Variants in RABEP1 observed in about 807,000 individuals in gnomAD.
RABEP1 encodes rabaptin, RAB GTPase binding effector protein 1, also known as rab GTPase-binding effector protein 1.
A neutral mutation model predicts 123.4 loss-of-function variants in RABEP1; 51 were observed. That is an observed-to-expected ratio of 0.41 (90% CI 0.33 to 0.52). The LOEUF is 0.52. Ranked by LOEUF, RABEP1 falls within the 20% of genes least tolerant of loss-of-function variation. The probability of loss-of-function intolerance (pLI) is 0.16; values close to 1 mark genes in which losing one functional copy is unlikely to be tolerated. For synonymous variants in RABEP1, 347 were observed against 355.2 expected, an observed-to-expected ratio of 0.98 and a Z score of 0.26; for missense variants, 888 against 996.3, an observed-to-expected ratio of 0.89 and a Z score of 1.46.
chr17:5,335,996 C>G (rs943233278), intron 4 of RABEP1, among the ~76,000 whole-genome samples: 10 of 151,894 alleles, frequency 6.6e-5, no homozygotes, highest in African/African-American at 2.4e-4. Flanking sequence ...TATTATGTAC[C>G]ACATATGCTT....
At chr17:5,361,174 G>C (rs1320308661) in intron 8 of RABEP1, 34 bp from the exon 9 acceptor site, 2 of 1,562,124 alleles carry the variant, frequency 1.3e-6, no homozygotes, top group East Asian at 2.3e-5. Context: ...GCAGAGAATT[G>C]TCTAACTTGG....
chr17:5,290,246 C>G (rs1336964165), intron 1 of RABEP1, among the ~76,000 whole-genome samples: 1 of 152,194 alleles, frequency 6.6e-6, no homozygotes, highest in Non-Finnish European at 1.5e-5. Flanking sequence ...CGCCACCACA[C>G]CCGGCTAATT....
At position 5,307,781 on chromosome 17, in the gene RABEP1, G is replaced by A. The variant is rs139463148; in HGVS notation, c.35-913G>A. Reference sequence around the variant, plus strand: ...TAAAGTAAAAAGTCTGCTAATCTCCGCACACCATGATCAATGTTGAAAACA... The same window carrying A: ...TAAAGTAAAAAGTCTGCTAATCTCCACACACCATGATCAATGTTGAAAACA... On this transcript the variant is annotated intron_variant, in intron 1 of 17. Transcript: ENST00000537505. Among the ~76,000 whole-genome samples, 79 of 152,188 alleles carry A rather than the reference G, an allele frequency of 5.2e-4. 1 individual carries two copies. The Middle Eastern group carries it at 0.01, about 20-fold the overall frequency.
chr17:5,288,487 C>T (rs1225652802), intron 1 of RABEP1, among the ~76,000 whole-genome samples: 1 of 152,102 alleles, frequency 6.6e-6, no homozygotes, highest in African/African-American at 2.4e-5. Flanking sequence ...CCTCTACCTC[C>T]CAGGTTCAAG....
In RABEP1 at chr17:5,344,310, C is replaced by T. The variant is rs188409050; in HGVS notation, c.649-2480C>T. Among the ~76,000 whole-genome samples the T allele has an allele frequency of 7.7e-4, 108 of 140,316 alleles. 1 individual carries two copies. The East Asian group carries it at 0.019, about 25-fold the overall frequency. The allele number at this position is 140,316 out of a possible 152,430, so 92.1% of individuals were successfully genotyped here. A position where few individuals can be genotyped will look rare whatever the true frequency, so the allele number is the denominator to read the frequency against. On this transcript the variant is annotated intron_variant, in intron 5 of 17. Transcript: ENST00000537505. ...AAAATTAGCCGGGCATGGTGGTGCA[C>T]GCCTATAATCCCAGCTACTTGGGAG... is the stretch of plus-strand genomic sequence containing the variant.
chr17:5,294,981 A>G (rs1046393783), intron 1 of RABEP1, among the ~76,000 whole-genome samples: 3 of 151,922 alleles, frequency 2.0e-5, no homozygotes, highest in Non-Finnish European at 4.4e-5. Flanking sequence ...ATATGTATAA[A>G]ATATGTTTAA....
At chr17:5,337,132 A>G (rs1314373295) in intron 4 of RABEP1, among the ~76,000 whole-genome samples, 2 of 152,122 alleles carry the variant, frequency 1.3e-5, no homozygotes, top group Admixed American at 6.5e-5. Flanking sequence ...CTTTTAATCC[A>G]TGTTTTTGAG....
intron 12 of RABEP1, 89 bp downstream of exon 12, chr17:5,368,557 C>T: frequency 1.1e-6 from 1 of 930,028 alleles, no homozygotes; most frequent in Non-Finnish European, 1.7e-6. Flanking sequence ...AGGAATTTAT[C>T]ATCCTGTCCA....
At position 5,365,135 on chromosome 17, in the gene RABEP1, A is replaced by AGCTGAT; in HGVS notation, c.1686_1691dup (p.Met563_Leu564dup). ...AAAATGATACAGGTGAAAAAACTAC[A>AGCTGAT]GCTGATGCTAAGGCAAGCTAATGAC... On this transcript the variant is annotated inframe_insertion, in exon 11 of 18. Coordinates refer to ENST00000537505, the MANE Select transcript of RABEP1 (RefSeq NM_004703.6). 1 of 1,602,008 alleles carries AGCTGAT rather than the reference A, an allele frequency of 6.2e-7. No individual in the cohort carries two copies. The highest frequency in any genetic ancestry group is 8.5e-7 in the Non-Finnish European group (1 of 1,176,300).
chr17:5,377,779 G>A (rs1309315082), intron 14 of RABEP1, among the ~76,000 whole-genome samples: 4 of 152,006 alleles, frequency 2.6e-5, no homozygotes, highest in Non-Finnish European at 5.9e-5. Flanking sequence ...TGCCTGCCTC[G>A]GCCTTGCAAA....
intron 8 of RABEP1, among the ~76,000 whole-genome samples, chr17:5,355,497 C>T (rs1021741636): frequency 6.6e-6 from 1 of 152,190 alleles, no homozygotes; most frequent in African/African-American, 2.4e-5. Flanking sequence ...ACTTACTGCT[C>T]TCCACCTCTC....
In RABEP1 at chr17:5,336,416, T is replaced by C. The variant is rs750055549; in HGVS notation, c.528+1072T>C. ...TAATAAGCCTCTATCAATTTATTCTTATTAACTGAAGTCCATTTTTGTATT... is the reference window on the plus strand; with the variant it reads ...TAATAAGCCTCTATCAATTTATTCTCATTAACTGAAGTCCATTTTTGTATT... On this transcript the variant is annotated intron_variant, in intron 4 of 17. Transcript: ENST00000537505. 6.3e-4 allele frequency: 290 copies of C among 460,112 alleles called. No individual in the cohort carries two copies. The Middle Eastern group carries it at 7.9e-3, about 13-fold the overall frequency. 28.5% of individuals were successfully genotyped at this position (460,112 alleles called of 1,614,324 possible).
intron 2 of RABEP1, among the ~76,000 whole-genome samples, chr17:5,321,211 G>T (rs959148830): frequency 6.6e-6 from 1 of 152,152 alleles, no homozygotes; most frequent in African/African-American, 2.4e-5. Flanking sequence ...GGAGGCCAGG[G>T]TGGGAGGATT....
At position 5,282,371 on chromosome 17, in the gene RABEP1, T is replaced by C. The variant is rs954246007; in HGVS notation, c.-116T>C. On this transcript the variant is annotated 5_prime_UTR_variant, in exon 1 of 18. Transcript: ENST00000537505. ...CGGCGGATCCAGCCTTAGCGGTTTCTCTCTGGGCGGCGGCGGCGGCGGCTC... is the reference window on the plus strand; with the variant it reads ...CGGCGGATCCAGCCTTAGCGGTTTCCCTCTGGGCGGCGGCGGCGGCGGCTC... 7.0e-5 allele frequency: 61 copies of C among 876,166 alleles called. No homozygotes were observed. The highest frequency in any genetic ancestry group is 9.3e-5 in the Non-Finnish European group (60 of 644,884). 54.3% of individuals were successfully genotyped at this position (876,166 alleles called of 1,614,324 possible).
intron 1 of RABEP1, among the ~76,000 whole-genome samples, chr17:5,297,210 G>C (rs1567866528): frequency 6.6e-6 from 1 of 151,924 alleles, no homozygotes; most frequent in Admixed American, 6.6e-5. Context: ...AGAACCACTG[G>C]TTTATGACAA....
At chr17:5,314,710 G>A (rs956301205) in intron 2 of RABEP1, among the ~76,000 whole-genome samples, 1 of 152,194 alleles carries the variant, frequency 6.6e-6, no homozygotes, top group Non-Finnish European at 1.5e-5. Context: ...AGTAGAGACG[G>A]GGTTTCACCG....
chr17:5,296,890 C>T (rs992570396), intron 1 of RABEP1, among the ~76,000 whole-genome samples: 1 of 152,118 alleles, frequency 6.6e-6, no homozygotes, highest in Non-Finnish European at 1.5e-5. Context: ...CAGGTGTGCA[C>T]CACCACATCT....
At chr17:5,294,633 C>CTTTTT (rs1185209680) in intron 1 of RABEP1, among the ~76,000 whole-genome samples, 3,393 of 52,916 alleles carry the variant, frequency 0.064, 1,045 homozygotes, top group Non-Finnish European at 0.097. Flanking sequence ...ACGGTATTGT[C>CTTTTT]TTTTTTTTTT....
At chr17:5,343,666 TTCTC>T in intron 5 of RABEP1, among the ~76,000 whole-genome samples, 1 of 138,724 alleles carries the variant, frequency 7.2e-6, no homozygotes, top group African/African-American at 3.0e-5. Flanking sequence ...TTTCTTTCTT[TTCTC>T]TTTTTTTTTT....
Sources: gnomAD v4.1 joint callset for allele counts (sites outside exome capture counted in the v4.1 genomes callset) on GRCh38, gnomAD v4.1.1 for gene constraint, MANE v1.5 for transcripts, NCBI Gene and HGNC (gene_info 2026-07-23, HGNC 2026-07-21) for gene names.